The following SMTNL2 variants were observed in gnomAD, a reference collection of about 807,000 sequenced individuals.
The protein encoded by SMTNL2 is smoothelin-like protein 2.
A neutral mutation model predicts 44.1 loss-of-function variants in SMTNL2; 43 were observed. That is an observed-to-expected ratio of 0.98 (90% CI 0.76 to 1.26). The LOEUF (loss-of-function observed/expected upper bound fraction) is 1.26. Ranked by LOEUF, SMTNL2 falls within the 50% of genes most tolerant of loss-of-function variation. The probability of loss-of-function intolerance (pLI) is 0.00; values close to 1 mark genes in which losing one functional copy is unlikely to be tolerated. For missense variants in SMTNL2, 646 were observed against 670.2 expected (o/e 0.96, Z 0.40); for synonymous variants, 317 against 287.6 (o/e 1.10, Z -1.03).
chr17:4,599,221 C>A (rs1909933669), intron 7 of SMTNL2, among the ~76,000 whole-genome samples: 1 of 152,192 alleles, frequency 6.6e-6, no homozygotes, highest in Non-Finnish European at 1.5e-5. Context: ...TCCTTGTATA[C>A]TTTAAAAGCC....
intron 1 of SMTNL2, among the ~76,000 whole-genome samples, chr17:4,588,777 C>T (rs79233308): frequency 0.024 from 3,634 of 152,320 alleles, 142 homozygotes; most frequent in African/African-American, 0.084. Flanking sequence ...GTCCTCTCTG[C>T]CCCCTAGAAG....
chr17:4,591,916 G>A (rs543944113), intron 1 of SMTNL2, among the ~76,000 whole-genome samples: 2 of 152,348 alleles, frequency 1.3e-5, no homozygotes, highest in South Asian at 4.1e-4. Context: ...TCAGGGCTCC[G>A]TAGCTCATCG....
rs1236630445 is a variant in SMTNL2, at chr17:4,595,675, TC to T, written c.989+349del. Among the ~76,000 whole-genome samples the T allele has an allele frequency of 6.6e-6, 1 of 152,190 alleles. No individual in the cohort carries two copies. Among genetic ancestry groups the T allele is most frequent in the African/African-American group, 2.4e-5 (1 of 41,450 alleles). On this transcript the variant is annotated intron_variant, in intron 5 of 7. Transcript: ENST00000389313. The surrounding 1 kb of genome is among the most constrained non-coding windows in gnomAD (Gnocchi z 5.1). ...CCCAGGGGTTGTGGCTCCTCTGGTT[TC>T]TGGGCATGACCGGGGACTGGATGGG...
At position 4,600,326 on chromosome 17, in the gene SMTNL2, C is replaced by T. The variant is rs771821304; in HGVS notation, c.1259+3003C>T. On this transcript the variant is annotated intron_variant, in intron 7 of 7. Coordinates refer to ENST00000389313, the MANE Select transcript of SMTNL2 (RefSeq NM_001114974.2). This position sits in a 1 kb window ranked among gnomAD's most constrained non-coding sequence, Gnocchi z 4.7. ...GGCAAAGGCTGAGCAGATCCAGGGT[C>T]GTGCAGGCAGCAGGACCACAGAGCT... Among the ~76,000 whole-genome samples the T allele has an allele frequency of 6.6e-6, 1 of 152,082 alleles. No homozygotes were observed. The highest frequency in any genetic ancestry group is 1.9e-4 in the East Asian group (1 of 5,186).
rs747638632 is a variant in SMTNL2, at chr17:4,595,117, G to C, written c.807-28G>C. ...GAGCTAGTGATGGCTGCTGGGCCCA[G>C]GTCCCAACTCGGCGATTCTTTCCTC... is the stretch of plus-strand genomic sequence containing the variant. On this transcript the variant is annotated intron_variant, in intron 4 of 7. Coordinates refer to ENST00000389313, the MANE Select transcript of SMTNL2 (RefSeq NM_001114974.2). The surrounding 1 kb of genome is among the most constrained non-coding windows in gnomAD (Gnocchi z 5.1). The C allele has an allele frequency of 2.5e-6, 4 of 1,612,852 alleles. No individual in the cohort carries two copies. In the Admixed American group the frequency reaches 6.7e-5, roughly 27 times the overall value.
At chr17:4,590,070 G>A (rs61277630) in intron 1 of SMTNL2, among the ~76,000 whole-genome samples, 139,729 of 150,608 alleles carry the variant, frequency 0.93, 65,348 homozygotes, top group East Asian at 1. Context: ...GGGTTTAAGC[G>A]ATTCTCATGC....
At chr17:4,603,649 C>T (rs1910134002) in intron 7 of SMTNL2, among the ~76,000 whole-genome samples, 1 of 152,020 alleles carries the variant, frequency 6.6e-6, no homozygotes, top group Admixed American at 6.5e-5. Context: ...ACCACTGAGG[C>T]CACCGCCGTC....
chr17:4,584,981 T>C lies in SMTNL2; in HGVS notation c.376T>C (p.Phe126Leu). 1.5e-6 allele frequency: 2 copies of C among 1,375,630 alleles called. No individual in the cohort carries two copies. Among genetic ancestry groups the C allele is most frequent in the Admixed American group, 3.2e-5 (1 of 31,512 alleles). 85.2% of individuals were successfully genotyped at this position (1,375,630 alleles called of 1,614,324 possible). A position where few individuals can be genotyped will look rare whatever the true frequency, so the allele number is the denominator to read the frequency against. Residue 126 changes from phenylalanine to leucine, a missense_variant, in exon 1 of 8, where the codon TTC becomes CTC. Transcript: ENST00000389313. ...GSARFASHATFSLSGRGQSLD... is the reference protein window; with the variant it reads ...GSARFASHATLSLSGRGQSLD... The stretch of plus-strand genomic sequence containing the variant: ...CGCACGCTTCGCCAGCCACGCCACC[T>C]TCTCGCTGTCCGGCCGCGGCCAGGT...
rs1444823382 is a variant in SMTNL2, at chr17:4,600,273, T to G, written c.1259+2950T>G. Among the ~76,000 whole-genome samples the G allele has an allele frequency of 1.3e-5, 2 of 152,174 alleles. No homozygotes were observed. Among genetic ancestry groups the G allele is most frequent in the Non-Finnish European group, 2.9e-5 (2 of 68,032 alleles). On this transcript the variant is annotated intron_variant, in intron 7 of 7. Coordinates refer to ENST00000389313, the MANE Select transcript of SMTNL2 (RefSeq NM_001114974.2). This position sits in a 1 kb window ranked among gnomAD's most constrained non-coding sequence, Gnocchi z 4.7. ...CCTGCCTGAGGGTACTAGCTGTCAG[T>G]GTCCTCACCGATGTTCCTGAGGTTT...
Position 4,607,466 on chromosome 17 carries a change from C to T in SMTNL2, c.1365C>T (p.Asn455=), listed in dbSNP as rs112342387. ...CVFTYVQSLY[N]HLRRFE is the part of the protein sequence containing the mutation. ...TCACCTACGTCCAGTCGCTGTACAA[C>T]CACCTGCGTCGCTTCGAGTAAAGCC... Residue 455 remains asparagine (N), a synonymous_variant, in exon 8 of 8, where the codon AAC becomes AAT. Transcript: ENST00000389313. This position sits in a 1 kb window ranked among gnomAD's most constrained non-coding sequence, Gnocchi z 4.7. The T allele has an allele frequency of 1.2e-4, 195 of 1,614,194 alleles. 1 individual carries two copies. In the African/African-American group the frequency reaches 2.2e-3, roughly 18 times the overall value.
In SMTNL2 at chr17:4,584,569, G is replaced by A; in HGVS notation, c.-37G>A. 1 of 1,219,666 alleles carries A rather than the reference G, an allele frequency of 8.2e-7. No individual in the cohort carries two copies. Among genetic ancestry groups the A allele is most frequent in the Non-Finnish European group, 1.0e-6 (1 of 979,854 alleles). 75.6% of individuals were successfully genotyped at this position (1,219,666 alleles called of 1,614,324 possible). ...CTGCGGAGCTCGGATCTTCTCCCCC[G>A]TCTGGCCCGCTCTCGACCCGCGCGC... On this transcript the variant is annotated 5_prime_UTR_variant, in exon 1 of 8. Transcript: ENST00000389313.
rs916589178 is a variant in SMTNL2, at chr17:4,607,586, G to A, written c.*99G>A. On this transcript the variant is annotated 3_prime_UTR_variant, in exon 8 of 8. Transcript: ENST00000389313. This position sits in a 1 kb window ranked among gnomAD's most constrained non-coding sequence, Gnocchi z 4.7. ...GATGCCCCCAGGAGCCTTGCCGTTT[G>A]GTGTGAGCGCGCTGTTTGTTCTGTG... 22 of 1,534,320 alleles carry A rather than the reference G, an allele frequency of 1.4e-5. No homozygotes were observed. Among genetic ancestry groups the A allele is most frequent in the Admixed American group, 1.9e-5 (1 of 52,696 alleles).
At chr17:4,599,179 G>A (rs529770424) in intron 7 of SMTNL2, among the ~76,000 whole-genome samples, 2 of 152,314 alleles carry the variant, frequency 1.3e-5, no homozygotes, top group Admixed American at 6.5e-5. Context: ...TGGATGACGC[G>A]CTTGGACTCA....
intron 7 of SMTNL2, 146 bp downstream of exon 7, chr17:4,597,469 T>G: frequency 8.8e-7 from 1 of 1,139,250 alleles, no homozygotes; most frequent in African/African-American, 1.6e-5. Context: ...TCTGTGTACC[T>G]CTTGTGCAGA....
Position 4,600,043 on chromosome 17 carries a change from C to T in SMTNL2, c.1259+2720C>T, listed in dbSNP as rs531436622. Among the ~76,000 whole-genome samples, 13 of 152,212 alleles carry T rather than the reference C, an allele frequency of 8.5e-5. No homozygotes were observed. Among genetic ancestry groups the T allele is most frequent in the African/African-American group, 1.4e-4 (6 of 41,530 alleles). ...AGGGGCGTCCACCGCAGGCCTGTGCCGGGGGGTCGGGGGAGTTTGCTCAGA... is the reference window on the plus strand; with the variant it reads ...AGGGGCGTCCACCGCAGGCCTGTGCTGGGGGGTCGGGGGAGTTTGCTCAGA... On this transcript the variant is annotated intron_variant, in intron 7 of 7. Coordinates refer to ENST00000389313, the MANE Select transcript of SMTNL2 (RefSeq NM_001114974.2). This position sits in a 1 kb window ranked among gnomAD's most constrained non-coding sequence, Gnocchi z 4.7.
In SMTNL2 at chr17:4,607,468, A is replaced by G; in HGVS notation, c.1367A>G (p.His456Arg). The G allele has an allele frequency of 6.2e-7, 1 of 1,614,054 alleles. No homozygotes were observed. The highest frequency in any genetic ancestry group is 8.5e-7 in the Non-Finnish European group (1 of 1,179,972). Residue 456 changes from histidine to arginine, a missense_variant, in exon 8 of 8, where the codon CAC becomes CGC. His to Arg is a conservative substitution (Grantham distance 29). Transcript: ENST00000389313. This position sits in a 1 kb window ranked among gnomAD's most constrained non-coding sequence, Gnocchi z 4.7. ...VFTYVQSLYN[H>R]LRRFE is the part of the protein sequence containing the mutation. ...ACCTACGTCCAGTCGCTGTACAACCACCTGCGTCGCTTCGAGTAAAGCCCC... is the reference window on the plus strand; with the variant it reads ...ACCTACGTCCAGTCGCTGTACAACCGCCTGCGTCGCTTCGAGTAAAGCCCC...
At position 4,592,304 on chromosome 17, in the gene SMTNL2, G is replaced by A. The variant is rs1314637076; in HGVS notation, c.400-57G>A. 2.0e-5 allele frequency: 31 copies of A among 1,556,684 alleles called. No homozygotes were observed. The highest frequency in any genetic ancestry group is 2.6e-5 in the Non-Finnish European group (30 of 1,134,422). On this transcript the variant is annotated intron_variant, in intron 1 of 7. Coordinates refer to ENST00000389313, the MANE Select transcript of SMTNL2 (RefSeq NM_001114974.2). This position sits in a 1 kb window ranked among gnomAD's most constrained non-coding sequence, Gnocchi z 4.5. Reference sequence around the variant, plus strand: ...GGGGATTTGGGGGTGGGCAGCTTTTGGGGGTGGGCAGCTGGCCCTAGCTGA... The same window carrying A: ...GGGGATTTGGGGGTGGGCAGCTTTTAGGGGTGGGCAGCTGGCCCTAGCTGA...
chr17:4,602,962 G>A (rs1436060198), intron 7 of SMTNL2, among the ~76,000 whole-genome samples: 2 of 152,198 alleles, frequency 1.3e-5, no homozygotes, highest in Non-Finnish European at 2.9e-5. Context: ...ATGGATCATG[G>A]CCCAGTGCCC....
intron 1 of SMTNL2, 132 bp downstream of exon 1, chr17:4,585,136 T>C: frequency 9.0e-7 from 1 of 1,105,948 alleles, no homozygotes; most frequent in Non-Finnish European, 1.1e-6. Context: ...TCGGACTAGG[T>C]GATGGGGGTC....
Sources: gnomAD v4.1 joint callset for allele counts (sites outside exome capture counted in the v4.1 genomes callset) on GRCh38, gnomAD v4.1.1 for gene constraint, Gnocchi (gnomAD v3.1) non-coding constraint, MANE v1.5 for transcripts, NCBI Gene and HGNC (gene_info 2026-07-23, HGNC 2026-07-21) for gene names.